NOP9: variants seen among roughly 807,000 people sequenced by gnomAD.
The protein encoded by NOP9 is NOP9 nucleolar protein.
A neutral mutation model predicts 63.0 loss-of-function variants in NOP9; 50 were observed. That is an observed-to-expected ratio of 0.79 (90% CI 0.63 to 1.00). NOP9 has a LOEUF of 1.00. Among genes scored for constraint, NOP9 ranks in the 50% least tolerant of loss-of-function variants. The pLI, the probability that NOP9 is intolerant of heterozygous loss-of-function variation, is 0.00. For missense variants in NOP9, 758 were observed against 803.0 expected (o/e 0.94, Z 0.68); for synonymous variants, 343 against 332.8 (o/e 1.03, Z -0.33).
chr14:24,304,335 C>A, intron 8 of NOP9, 58 bp downstream of exon 8: 2 of 1,466,240 alleles, frequency 1.4e-6, no homozygotes, highest in East Asian at 2.3e-5. Flanking sequence ...AGAATATGAG[C>A]TTTCCCTGGA....
At chr14:24,302,164 G>A in intron 4 of NOP9, 58 bp downstream of exon 4, 1 of 1,601,762 alleles carries the variant, frequency 6.2e-7, no homozygotes, top group Non-Finnish European at 8.5e-7. Context: ...AATGAATGAG[G>A]TGATGTAGTG....
At chr14:24,291,274 A>G in the NOP9 span, 133 of 1,579,942 alleles carry the variant, frequency 8.4e-5, 3 homozygotes, top group South Asian at 1.3e-3. Context: ...CAGAGTGACA[A>G]GGTTTGGGCC....
chr14:24,290,943 G>A, the NOP9 span: 34 of 1,613,932 alleles, frequency 2.1e-5, no homozygotes, highest in Middle Eastern at 1.6e-4. Context: ...AGCCCAGGCC[G>A]GACACGTGTG....
chr14:24,292,507 G>GC, the NOP9 span: 3 of 1,512,774 alleles, frequency 2.0e-6, no homozygotes, highest in South Asian at 3.5e-5. Context: ...AGGAGCACAA[G>GC]CAAAGGAACT....
Position 24,306,226 on chromosome 14 carries a change from T to A in NOP9, c.*1131T>A, listed in dbSNP as rs2041502603. ...AGCACTGGGTCAGACCCTCCCTCGC[T>A]TGGACTTTCTGTCCACTGTGTGACA... On this transcript the variant is annotated 3_prime_UTR_variant, in exon 10 of 10. Transcript: ENST00000267425. 4.6e-6 allele frequency: 7 copies of A among 1,528,424 alleles called. No homozygotes were observed. Among genetic ancestry groups the A allele is most frequent in the Non-Finnish European group, 6.3e-6 (7 of 1,115,232 alleles). The allele number at this position is 1,528,424 out of a possible 1,614,324, so 94.7% of individuals were successfully genotyped here.
chr14:24,273,176 A>ATTT, the NOP9 span, among the ~76,000 whole-genome samples: 12 of 137,858 alleles, frequency 8.7e-5, no homozygotes, highest in Non-Finnish European at 1.1e-4. Context: ...AGTGCTTTAA[A>ATTT]TTTTTTTTTT....
chr14:24,274,439 A>G, the NOP9 span, among the ~76,000 whole-genome samples: 2 of 152,086 alleles, frequency 1.3e-5, no homozygotes, highest in African/African-American at 4.8e-5. Context: ...GAGAAAGCCA[A>G]ACTAACTTAG....
the NOP9 span, among the ~76,000 whole-genome samples, chr14:24,277,548 C>A: frequency 6.6e-6 from 1 of 152,188 alleles, no homozygotes; most frequent in Non-Finnish European, 1.5e-5. Flanking sequence ...AACTTCTGTG[C>A]TCCCGAAGCC....
chr14:24,273,857 G>A, the NOP9 span, among the ~76,000 whole-genome samples: 9 of 152,274 alleles, frequency 5.9e-5, no homozygotes, highest in South Asian at 2.1e-4. Flanking sequence ...TCTGTATTGC[G>A]TTTCCTCTAT....
At position 24,303,066 on chromosome 14, in the gene NOP9, C is replaced by T. The variant is rs980086430; in HGVS notation, c.1144-8C>T. The T allele has an allele frequency of 6.6e-7, 1 of 1,510,696 alleles. No homozygotes were observed. The highest frequency in any genetic ancestry group is 1.4e-5 in the African/African-American group (1 of 69,908). 93.6% of individuals were successfully genotyped at this position (1,510,696 alleles called of 1,614,324 possible). A position where few individuals can be genotyped will look rare whatever the true frequency, so the allele number is the denominator to read the frequency against. ...AATGCCAGAGTTACATTCCATGTTT[C>T]CCATCAGCTGTCCCCTGTGTTTGAG... On this transcript the variant is annotated splice_polypyrimidine_tract_variant and splice_region_variant and intron_variant, in intron 5 of 9. Coordinates refer to ENST00000267425, the MANE Select transcript of NOP9 (RefSeq NM_174913.3).
At chr14:24,293,818 G>A in the NOP9 span, 13 of 151,846 alleles carry the variant, frequency 8.6e-5, no homozygotes, top group Admixed American at 2.6e-4. Flanking sequence ...GCAAGACCCC[G>A]TCTCTAAAAA....
Position 24,307,787 on chromosome 14 carries a change from G to A in NOP9, c.*2692G>A, listed in dbSNP as rs36114269. ...GTTGCCCTGCCTATATCCCCTAAAG[G>A]TGGAGGGTAGAGCGGAGGGTTAGCA... On this transcript the variant is annotated 3_prime_UTR_variant, in exon 10 of 10. Coordinates refer to ENST00000267425, the MANE Select transcript of NOP9 (RefSeq NM_174913.3). The A allele has an allele frequency of 3.7e-4, 581 of 1,579,360 alleles. 7 individuals are homozygous for A. The East Asian group carries it at 0.012, about 34-fold the overall frequency.
the NOP9 span, among the ~76,000 whole-genome samples, chr14:24,273,375 C>T: frequency 4.6e-5 from 7 of 152,246 alleles, no homozygotes; most frequent in African/African-American, 1.7e-4. Flanking sequence ...GACGGGGTTT[C>T]ACCATGTTGG....
chr14:24,298,788 C>G, upstream of NOP9: 2 of 942,294 alleles, frequency 2.1e-6, no homozygotes, highest in Non-Finnish European at 1.5e-6. Flanking sequence ...CGGCAAAATT[C>G]TACCTTACCT....
At chr14:24,274,737 T>G in the NOP9 span, among the ~76,000 whole-genome samples, 76 of 151,850 alleles carry the variant, frequency 5.0e-4, no homozygotes, top group Non-Finnish European at 9.1e-4. Context: ...GCCTCCTGAG[T>G]AGCTGGGACT....
chr14:24,285,786 C>T, the NOP9 span, among the ~76,000 whole-genome samples: 1 of 152,046 alleles, frequency 6.6e-6, no homozygotes, highest in Non-Finnish European at 1.5e-5. Flanking sequence ...CTCAGAAGTT[C>T]GAGACCAGCC....
intron 1 of NOP9, 82 bp from the exon 2 acceptor site, chr14:24,300,326 C>A: frequency 6.4e-7 from 1 of 1,550,996 alleles, no homozygotes; most frequent in South Asian, 1.2e-5. Flanking sequence ...CGGCCTCCGA[C>A]CCACGACCCT....
upstream of NOP9, among the ~76,000 whole-genome samples, chr14:24,297,638 C>A (rs2041274908): frequency 6.6e-6 from 1 of 152,230 alleles, no homozygotes; most frequent in Non-Finnish European, 1.5e-5. Context: ...AATCTCCTAA[C>A]TGGATCTCCA....
Position 24,305,853 on chromosome 14 carries a change from A to G in NOP9, c.*758A>G, listed in dbSNP as rs541665680. On this transcript the variant is annotated 3_prime_UTR_variant, in exon 10 of 10. Transcript: ENST00000267425. ...TGGGAGATGAGGACTTTCCACAAGCAAGAGCTAACTAGGGGTAGGTGGGTG... is the reference window on the plus strand; with the variant it reads ...TGGGAGATGAGGACTTTCCACAAGCGAGAGCTAACTAGGGGTAGGTGGGTG... 160 of 1,586,502 alleles carry G rather than the reference A, an allele frequency of 1.0e-4. 2 individuals are homozygous for G. In the South Asian group the frequency reaches 1.7e-3, roughly 17 times the overall value.
Sources: allele counts gnomAD v4.1 joint callset (sites outside exome capture counted in the v4.1 genomes callset), GRCh38; gene constraint gnomAD v4.1.1; transcripts MANE v1.5; gene names NCBI Gene and HGNC (gene_info 2026-07-23, HGNC 2026-07-21).